The following RNF157 variants were observed in gnomAD, a reference collection of about 807,000 sequenced individuals.
The protein encoded by RNF157 is E3 ubiquitin ligase RNF157.
A neutral mutation model predicts 88.3 loss-of-function variants in RNF157; 55 were observed. The observed-to-expected ratio is 0.62, with a 90% confidence interval of 0.50 to 0.78. The LOEUF (loss-of-function observed/expected upper bound fraction) is 0.78, where lower values mean the gene tolerates loss of function less well. RNF157 is among the 30% of genes least tolerant of loss of function. RNF157 has a pLI of 0.00. For synonymous variants in RNF157, 334 were observed against 341.2 expected, an observed-to-expected ratio of 0.98 and a Z score of 0.23; for missense variants, 788 against 860.8, an observed-to-expected ratio of 0.92 and a Z score of 1.06.
chr17:76,228,101 TA>T (rs200236039), intron 1 of RNF157, among the ~76,000 whole-genome samples: 9 of 151,902 alleles, frequency 5.9e-5, no homozygotes, highest in African/African-American at 1.2e-4. Flanking sequence ...TAAAAAGAAA[TA>T]AAAAAAACCA....
intron 2 of RNF157, among the ~76,000 whole-genome samples, chr17:76,196,930 A>C (rs1180667422): frequency 6.6e-6 from 1 of 152,154 alleles, no homozygotes; most frequent in Non-Finnish European, 1.5e-5. Flanking sequence ...CTTGGCCAAG[A>C]CCGCACTCAT....
At chr17:76,222,895 C>CT (rs992548541) in intron 1 of RNF157, among the ~76,000 whole-genome samples, 1,840 of 143,292 alleles carry the variant, frequency 0.013, 48 homozygotes, top group African/African-American at 0.043. Flanking sequence ...GTTTAAGGTT[C>CT]TTTTTTTTTT....
chr17:76,227,792 G>A lies in RNF157; in HGVS notation c.88+12361C>T, dbSNP rs545239471. 3.3e-5 allele frequency among the ~76,000 whole-genome samples: 5 copies of A among 152,142 alleles called. No individual in the cohort carries two copies. The East Asian group carries it at 5.8e-4, about 18-fold the overall frequency. Reference sequence around the variant, plus strand: ...CTCAGGAGGCTCAGGCAGGAGAATCGCTTGAACCCGGGAGGCAGAGGTTGC... The same window carrying A: ...CTCAGGAGGCTCAGGCAGGAGAATCACTTGAACCCGGGAGGCAGAGGTTGC... On this transcript the variant is annotated intron_variant, in intron 1 of 18. Transcript: ENST00000269391.
At chr17:76,153,239 G>A (rs916095852) in intron 17 of RNF157, 4 of 152,248 alleles carry the variant, frequency 2.6e-5, no homozygotes, top group Admixed American at 1.3e-4. Context: ...CAATCACAAG[G>A]GGTAACTCTA....
At chr17:76,188,067 G>A (rs1201638287) in intron 2 of RNF157, among the ~76,000 whole-genome samples, 1 of 152,160 alleles carries the variant, frequency 6.6e-6, no homozygotes, top group African/African-American at 2.4e-5. Flanking sequence ...CAATAGCAGT[G>A]GGCAGCCAAG....
At chr17:76,173,239 T>C (rs1207677817) in intron 3 of RNF157, among the ~76,000 whole-genome samples, 3 of 151,894 alleles carry the variant, frequency 2.0e-5, no homozygotes, top group African/African-American at 4.8e-5. Flanking sequence ...TGAGCCGAGA[T>C]TGCGCCACTG....
At chr17:76,150,762 T>C (rs2068661747) in intron 18 of RNF157, among the ~76,000 whole-genome samples, 1 of 152,142 alleles carries the variant, frequency 6.6e-6, no homozygotes, top group African/African-American at 2.4e-5. Flanking sequence ...TCTCATAAGC[T>C]CTTAGTACCC....
At chr17:76,148,552 C>A (rs1598381232) in intron 18 of RNF157, among the ~76,000 whole-genome samples, 1 of 148,786 alleles carries the variant, frequency 6.7e-6, no homozygotes, top group Admixed American at 6.7e-5. Flanking sequence ...CAGGCGGGAG[C>A]CACCGTGCCC....
chr17:76,203,349 A>G (rs191538677), intron 2 of RNF157, among the ~76,000 whole-genome samples: 29 of 152,304 alleles, frequency 1.9e-4, no homozygotes, highest in Non-Finnish European at 2.8e-4. Flanking sequence ...GGGGAAATTG[A>G]GACTCACTGA....
chr17:76,193,452 A>G (rs1405669094), intron 2 of RNF157, among the ~76,000 whole-genome samples: 1 of 152,204 alleles, frequency 6.6e-6, no homozygotes, highest in East Asian at 1.9e-4. Flanking sequence ...CAGTTAGGAT[A>G]TATCTCACTT....
chr17:76,197,324 T>C (rs546350100), intron 2 of RNF157, among the ~76,000 whole-genome samples: 176 of 152,246 alleles, frequency 1.2e-3, no homozygotes, highest in Non-Finnish European at 1.8e-3. Flanking sequence ...GACTGTTTCA[T>C]TGAAAAGAGA....
intron 1 of RNF157, among the ~76,000 whole-genome samples, chr17:76,232,919 C>G (rs1003323074): frequency 2.1e-5 from 3 of 145,780 alleles, no homozygotes; most frequent in Middle Eastern, 3.2e-3. Flanking sequence ...CTATTGAAAT[C>G]TCGCATATTT....
intron 3 of RNF157, among the ~76,000 whole-genome samples, chr17:76,171,484 G>A (rs562081127): frequency 1.1e-3 from 172 of 152,228 alleles, no homozygotes; most frequent in Non-Finnish European, 1.7e-3. Context: ...CATCATGCCC[G>A]GCCAGATTTA....
rs776487631 is a variant in RNF157, at chr17:76,158,380, G to C, written c.1413+13C>G. 1.3e-6 allele frequency: 2 copies of C among 1,570,924 alleles called. No individual in the cohort carries two copies. Among genetic ancestry groups the C allele is most frequent in the Admixed American group, 1.7e-5 (1 of 59,916 alleles). On this transcript the variant is annotated intron_variant, in intron 13 of 18. Transcript: ENST00000269391. ...AGTACAACACCCAAGAAGAGGAGAG[G>C]AATGTCAATTACCTCTCCGAGATGC...
intron 2 of RNF157, among the ~76,000 whole-genome samples, chr17:76,174,645 A>G (rs894448470): frequency 6.6e-6 from 1 of 152,266 alleles, no homozygotes; most frequent in African/African-American, 2.4e-5. Context: ...TCTTGGCTCA[A>G]GAAGAGTCTA....
intron 1 of RNF157, among the ~76,000 whole-genome samples, chr17:76,227,325 T>G (rs1214334464): frequency 2.0e-5 from 3 of 151,504 alleles, no homozygotes; most frequent in African/African-American, 7.3e-5. Context: ...TTTACCATGT[T>G]GGCCAGGCTG....
chr17:76,183,357 A>T (rs1192763848), intron 2 of RNF157, among the ~76,000 whole-genome samples: 1 of 152,166 alleles, frequency 6.6e-6, no homozygotes, highest in African/African-American at 2.4e-5. Context: ...ACCAATTCTG[A>T]TGCAGGTAGG....
At chr17:76,197,431 G>A (rs182791971) in intron 2 of RNF157, among the ~76,000 whole-genome samples, 1 of 152,282 alleles carries the variant, frequency 6.6e-6, no homozygotes, top group Non-Finnish European at 1.5e-5. Flanking sequence ...GGAAGGCTGA[G>A]GCGGGAAGAT....
intron 1 of RNF157, among the ~76,000 whole-genome samples, chr17:76,234,382 A>G (rs1037136657): frequency 5.3e-5 from 8 of 151,936 alleles, no homozygotes; most frequent in African/African-American, 1.9e-4. Context: ...ATTTTTCTTG[A>G]GCGTATACCT....
Sources: allele counts gnomAD v4.1 joint callset (sites outside exome capture counted in the v4.1 genomes callset), GRCh38; gene constraint gnomAD v4.1.1; transcripts MANE v1.5; gene names NCBI Gene and HGNC (gene_info 2026-07-23, HGNC 2026-07-21).